Variants in NDUFA12 observed in about 807,000 individuals in gnomAD.
NDUFA12 encodes NADH dehydrogenase [ubiquinone] 1 alpha subcomplex subunit 12.
Under a neutral mutation model 20.3 loss-of-function variants are expected in NDUFA12, and 17 were observed. That is an observed-to-expected ratio of 0.84 (90% confidence interval 0.57 to 1.26). NDUFA12 has a LOEUF of 1.26. NDUFA12 is among the 50% of genes most tolerant of loss of function. The pLI, the probability that NDUFA12 is intolerant of heterozygous loss-of-function variation, is 0.00. For missense variants in NDUFA12, 191 were observed against 183.7 expected, an observed-to-expected ratio of 1.04 and a Z score of -0.23; for synonymous variants, 72 against 63.6, an observed-to-expected ratio of 1.13 and a Z score of -0.63.
intron 3 of NDUFA12, among the ~76,000 whole-genome samples, chr12:94,979,726 C>G (rs1311378416): frequency 6.6e-6 from 1 of 151,652 alleles, no homozygotes; most frequent in Admixed American, 6.6e-5. Flanking sequence ...TCCCAGCTAC[C>G]CAGGTGGCAG....
intron 2 of NDUFA12, among the ~76,000 whole-genome samples, chr12:94,997,966 T>A (rs986243004): frequency 2.6e-5 from 4 of 152,330 alleles, no homozygotes; most frequent in South Asian, 2.1e-4. Context: ...TCAGTGCTGC[T>A]GCTGCTGGTC....
intron 3 of NDUFA12, chr12:94,971,853 C>A (rs1001390837): frequency 1.0e-5 from 7 of 701,756 alleles, no homozygotes; most frequent in African/African-American, 8.8e-5. Flanking sequence ...TAGAAAAATT[C>A]TTGTGTGTGG....
At chr12:94,977,701 C>CA (rs1236404039) in intron 3 of NDUFA12, among the ~76,000 whole-genome samples, 4 of 152,064 alleles carry the variant, frequency 2.6e-5, no homozygotes, top group Admixed American at 6.6e-5. Flanking sequence ...ATGTTTGTTT[C>CA]AAGTAAAATG....
chr12:94,989,577 G>A (rs547816453), intron 3 of NDUFA12, among the ~76,000 whole-genome samples: 9 of 152,282 alleles, frequency 5.9e-5, no homozygotes, highest in East Asian at 3.9e-4. Context: ...ATCACAAGCC[G>A]TGAAGCTTCC....
intron 2 of NDUFA12, among the ~76,000 whole-genome samples, chr12:95,001,456 CA>C (rs1304751059): frequency 1.3e-5 from 2 of 151,238 alleles, no homozygotes; most frequent in Admixed American, 1.3e-4. Context: ...CTCGTCTCTC[CA>C]AAAAAAAATT....
intron 3 of NDUFA12, among the ~76,000 whole-genome samples, chr12:94,978,589 A>T (rs191322632): frequency 6.6e-6 from 1 of 152,342 alleles, no homozygotes; most frequent in East Asian, 1.9e-4. Flanking sequence ...AATGTGACTA[A>T]ACTGCTTAAA....
chr12:94,986,148 G>C (rs1249006074), intron 3 of NDUFA12, among the ~76,000 whole-genome samples: 2 of 151,932 alleles, frequency 1.3e-5, no homozygotes, highest in Non-Finnish European at 2.9e-5. Flanking sequence ...GGCTGAGTTG[G>C]GAAGATCGCT....
intron 3 of NDUFA12, among the ~76,000 whole-genome samples, chr12:94,975,895 A>T (rs1191282609): frequency 6.6e-6 from 1 of 152,002 alleles, no homozygotes; most frequent in African/African-American, 2.4e-5. Flanking sequence ...AAAATGCAAA[A>T]ATTAGCCAGG....
intron 2 of NDUFA12, among the ~76,000 whole-genome samples, chr12:95,002,109 A>G (rs914190707): frequency 6.6e-6 from 1 of 151,772 alleles, no homozygotes; most frequent in Non-Finnish European, 1.5e-5. Context: ...TAACCTACAT[A>G]TTTATATGGT....
At chr12:94,979,236 C>A (rs1874157604) in intron 3 of NDUFA12, among the ~76,000 whole-genome samples, 1 of 152,130 alleles carries the variant, frequency 6.6e-6, no homozygotes, top group Non-Finnish European at 1.5e-5. Flanking sequence ...AAGACCCCAC[C>A]TCTAAAACAA....
intron 3 of NDUFA12, among the ~76,000 whole-genome samples, chr12:94,983,598 C>T (rs189606765): frequency 3.6e-4 from 55 of 152,236 alleles, no homozygotes; most frequent in Non-Finnish European, 1.2e-4. Context: ...CCTGGGGCAC[C>T]CAGCTAAGCT....
chr12:94,971,904 A>T, intron 3 of NDUFA12: 1 of 559,960 alleles, frequency 1.8e-6, no homozygotes, highest in Non-Finnish European at 3.2e-6. Flanking sequence ...TCATTACTGT[A>T]TTTTTTTTTC....
At chr12:94,975,582 G>A (rs1205463791) in intron 3 of NDUFA12, among the ~76,000 whole-genome samples, 1 of 152,050 alleles carries the variant, frequency 6.6e-6, no homozygotes, top group Non-Finnish European at 1.5e-5. Context: ...TACTCCTGGT[G>A]GATCCATTTC....
chr12:94,999,627 G>C (rs1375629216), intron 2 of NDUFA12, among the ~76,000 whole-genome samples: 1 of 151,850 alleles, frequency 6.6e-6, no homozygotes, highest in Non-Finnish European at 1.5e-5. Flanking sequence ...ACACAAATCA[G>C]TAAGAAAAAA....
Position 95,001,013 on chromosome 12 carries a change from C to T in NDUFA12, c.169+1726G>A, listed in dbSNP as rs1487774737. ...ATCCAACTTACGCACACTAATGTTGCTTTTAAAATTTACTAGCACGGTGGC... is the reference window on the plus strand; with the variant it reads ...ATCCAACTTACGCACACTAATGTTGTTTTTAAAATTTACTAGCACGGTGGC... On this transcript the variant is annotated intron_variant, in intron 2 of 3. Coordinates refer to ENST00000327772, the MANE Select transcript of NDUFA12 (RefSeq NM_018838.5). Among the ~76,000 whole-genome samples the T allele has an allele frequency of 5.9e-5, 9 of 152,310 alleles. No individual in the cohort carries two copies. In the East Asian group the frequency reaches 1.7e-3, roughly 29 times the overall value.
intron 3 of NDUFA12, among the ~76,000 whole-genome samples, chr12:94,986,186 G>C (rs934144085): frequency 3.3e-5 from 5 of 151,820 alleles, no homozygotes; most frequent in African/African-American, 9.7e-5. Flanking sequence ...AGCTGTAGTG[G>C]GCTATTAATG....
chr12:94,989,730 A>C (rs550248195), intron 3 of NDUFA12, among the ~76,000 whole-genome samples: 4 of 152,378 alleles, frequency 2.6e-5, no homozygotes, highest in African/African-American at 9.6e-5. Flanking sequence ...ATGTGGTCTC[A>C]GATCAAATAA....
chr12:95,003,492 A>G, intron 1 of NDUFA12, 103 bp downstream of exon 1: 1 of 1,232,192 alleles, frequency 8.1e-7, no homozygotes, highest in Non-Finnish European at 1.2e-6. Context: ...CCTTGACAAG[A>G]GCTGTGGATT....
At chr12:94,982,799 G>A (rs898599708) in intron 3 of NDUFA12, among the ~76,000 whole-genome samples, 2 of 152,036 alleles carry the variant, frequency 1.3e-5, no homozygotes. Context: ...TCAATCCAGA[G>A]GCAATTTCCC....
Sources: allele counts gnomAD v4.1 joint callset (sites outside exome capture counted in the v4.1 genomes callset), GRCh38; gene constraint gnomAD v4.1.1; transcripts MANE v1.5; gene names NCBI Gene and HGNC (gene_info 2026-07-23, HGNC 2026-07-21).